The following GFOD1 variants were observed in gnomAD, a reference collection of about 807,000 sequenced individuals.
The protein encoded by GFOD1 is Gfo/Idh/MocA-like oxidoreductase domain containing 1.
In GFOD1, 9 loss-of-function variants were observed where a neutral mutation model predicts 25.4. That is an observed-to-expected ratio of 0.35 (90% CI 0.21 to 0.62). The LOEUF is 0.62. Among genes scored for constraint, GFOD1 ranks in the 20% least tolerant of loss-of-function variants. The probability of loss-of-function intolerance (pLI) is 0.72; values close to 1 mark genes in which losing one functional copy is unlikely to be tolerated. For synonymous variants in GFOD1, 253 were observed against 245.6 expected (o/e 1.03, Z -0.28); for missense variants, 403 against 556.9 (o/e 0.72, Z 2.78).
At chr6:13,397,711 A>G (rs946837550) in intron 1 of GFOD1, among the ~76,000 whole-genome samples, 2 of 152,250 alleles carry the variant, frequency 1.3e-5, no homozygotes, top group South Asian at 2.1e-4. Flanking sequence ...CTTAGGAATG[A>G]GCAGAAGATG....
intron 1 of GFOD1, among the ~76,000 whole-genome samples, chr6:13,400,883 G>C (rs1785827779): frequency 6.6e-6 from 1 of 152,194 alleles, no homozygotes; most frequent in African/African-American, 2.4e-5. Flanking sequence ...AGAGGCACGA[G>C]AGTCCTCTCC....
chr6:13,405,435 G>T (rs376397096), intron 1 of GFOD1, among the ~76,000 whole-genome samples: 75 of 152,254 alleles, frequency 4.9e-4, no homozygotes, highest in African/African-American at 1.8e-3. Context: ...TCTTTCAAAC[G>T]AAGTATTTGA....
rs564278563 is a variant in GFOD1 at position 13,449,487 on chromosome 6, T to A, written c.253+37151A>T. 3.3e-5 allele frequency among the ~76,000 whole-genome samples: 5 copies of A among 152,326 alleles called. No individual in the cohort carries two copies. In the South Asian group the frequency reaches 1.0e-3, roughly 32 times the overall value. The stretch of plus-strand genomic sequence containing the variant: ...TTCAGAAAAAGTTATGTGGTTTCTA[T>A]TCAAAGCTCATAGAAACTCTAAGTA... On this transcript the variant is annotated intron_variant, in intron 1 of 1. Transcript: ENST00000379287.
chr6:13,433,318 C>T (rs1299285485), intron 1 of GFOD1, among the ~76,000 whole-genome samples: 1 of 152,088 alleles, frequency 6.6e-6, no homozygotes, highest in Non-Finnish European at 1.5e-5. Context: ...GGGGTTTCAC[C>T]ATGTTGGTCA....
intron 1 of GFOD1, among the ~76,000 whole-genome samples, chr6:13,473,219 G>T (rs1055442141): frequency 2.0e-5 from 3 of 152,060 alleles, no homozygotes; most frequent in African/African-American, 7.2e-5. Flanking sequence ...TGCACCATCA[G>T]GTCTCAACTG....
chr6:13,365,717 G>C lies in GFOD1; in HGVS notation c.254-55C>G. The C allele has an allele frequency of 8.3e-7, 1 of 1,210,438 alleles. No homozygotes were observed. The highest frequency in any genetic ancestry group is 1.9e-5 in the Admixed American group (1 of 53,710). 75.0% of individuals were successfully genotyped at this position (1,210,438 alleles called of 1,614,324 possible). A position where few individuals can be genotyped will look rare whatever the true frequency, so the allele number is the denominator to read the frequency against. The stretch of plus-strand genomic sequence containing the variant: ...GGGGCAGGACCATGTCCGAGCGCGC[G>C]TCCCTGGGTCAGATCTTAAAATATT... On this transcript the variant is annotated intron_variant, in intron 1 of 1. Coordinates refer to ENST00000379287, the MANE Select transcript of GFOD1 (RefSeq NM_018988.4). The surrounding 1 kb of genome is among the most constrained non-coding windows in gnomAD (Gnocchi z 9.2).
At chr6:13,377,343 G>C (rs1052799536) in intron 1 of GFOD1, among the ~76,000 whole-genome samples, 3 of 152,216 alleles carry the variant, frequency 2.0e-5, no homozygotes, top group Non-Finnish European at 4.4e-5. Flanking sequence ...GGCTCAGCTG[G>C]ATCCCTGATT....
At chr6:13,371,946 C>G (rs189803779) in intron 1 of GFOD1, among the ~76,000 whole-genome samples, 1 of 152,266 alleles carries the variant, frequency 6.6e-6, no homozygotes, top group East Asian at 1.9e-4. Flanking sequence ...AGAAAGCACA[C>G]GAGGACTGGC....
intron 1 of GFOD1, among the ~76,000 whole-genome samples, chr6:13,463,480 T>C (rs1758327162): frequency 6.6e-6 from 1 of 152,296 alleles, no homozygotes; most frequent in South Asian, 2.1e-4. Flanking sequence ...ACAGAATATT[T>C]TCATGGTCTT....
chr6:13,469,024 G>T (rs936677627), intron 1 of GFOD1, among the ~76,000 whole-genome samples: 2 of 152,298 alleles, frequency 1.3e-5, no homozygotes, highest in East Asian at 3.9e-4. Context: ...AACAGACCTT[G>T]CTTCTTCTCT....
chr6:13,486,568 G>C (rs1474508540), intron 1 of GFOD1, 70 bp downstream of exon 1: 2 of 1,303,560 alleles, frequency 1.5e-6, no homozygotes, highest in Non-Finnish European at 2.2e-6. Flanking sequence ...GGGAAAGGCA[G>C]GGGGGAAGGA....
chr6:13,468,712 C>T (rs1758421441), intron 1 of GFOD1, among the ~76,000 whole-genome samples: 1 of 152,158 alleles, frequency 6.6e-6, no homozygotes, highest in Non-Finnish European at 1.5e-5. Context: ...AGAGAGGGAG[C>T]TTCCAGCCTG....
intron 1 of GFOD1, among the ~76,000 whole-genome samples, chr6:13,473,843 C>T (rs1185879384): frequency 6.6e-6 from 1 of 152,162 alleles, no homozygotes; most frequent in African/African-American, 2.4e-5. Context: ...AGGCAGCACC[C>T]ACTCTCTGCA....
rs140918079 is a variant in GFOD1, at chr6:13,366,909, A to T, written c.254-1247T>A. 1.5e-3 allele frequency among the ~76,000 whole-genome samples: 235 copies of T among 152,182 alleles called. 2 individuals carry two copies. The highest frequency in any genetic ancestry group is 2.9e-3 in the Non-Finnish European group (199 of 68,000). ...AATGTTTAACAATATTTGCTAAGGT[A>T]GTATAAAATGCTTCATTTTATATTT... is the stretch of plus-strand genomic sequence containing the variant. On this transcript the variant is annotated intron_variant, in intron 1 of 1. Transcript: ENST00000379287.
intron 1 of GFOD1, among the ~76,000 whole-genome samples, chr6:13,404,511 G>A (rs960939831): frequency 6.6e-6 from 1 of 152,200 alleles, no homozygotes. Context: ...CTACAGCCAA[G>A]GGGGTGGCTT....
At chr6:13,399,359 G>A (rs1785798618) in intron 1 of GFOD1, among the ~76,000 whole-genome samples, 1 of 152,094 alleles carries the variant, frequency 6.6e-6, no homozygotes, top group African/African-American at 2.4e-5. Context: ...CTAAAGCCCA[G>A]CAATTCCACT....
intron 1 of GFOD1, among the ~76,000 whole-genome samples, chr6:13,392,066 C>T (rs1208090815): frequency 6.6e-6 from 1 of 152,132 alleles, no homozygotes; most frequent in Non-Finnish European, 1.5e-5. Context: ...TGTTGCCACA[C>T]TAAGAGCTGC....
chr6:13,390,544 A>G (rs999827015), intron 1 of GFOD1, among the ~76,000 whole-genome samples: 2 of 152,064 alleles, frequency 1.3e-5, no homozygotes, highest in Non-Finnish European at 2.9e-5. Context: ...TGGGCAACAC[A>G]GCGAAACCTC....
intron 1 of GFOD1, among the ~76,000 whole-genome samples, chr6:13,416,542 A>G (rs1786165929): frequency 6.6e-6 from 1 of 152,206 alleles, no homozygotes; most frequent in South Asian, 2.1e-4. Context: ...TGGGTCCAAG[A>G]AATGAAAAAG....
Sources: gnomAD v4.1 joint callset for allele counts (sites outside exome capture counted in the v4.1 genomes callset) on GRCh38, gnomAD v4.1.1 for gene constraint, Gnocchi (gnomAD v3.1) non-coding constraint, MANE v1.5 for transcripts, NCBI Gene and HGNC (gene_info 2026-07-23, HGNC 2026-07-21) for gene names.